The following PLCB1 variants were observed in gnomAD, a reference collection of about 807,000 sequenced individuals.
PLCB1 encodes the protein phospholipase C beta 1.
In PLCB1, 46 loss-of-function variants were observed where a neutral mutation model predicts 161.8. The observed-to-expected ratio is 0.28, with a 90% CI of 0.22 to 0.36. The LOEUF (loss-of-function observed/expected upper bound fraction) is 0.36. Ranked by LOEUF, PLCB1 falls within the 10% of genes least tolerant of loss-of-function variation. The pLI is 1.00. For missense variants in PLCB1, 1,016 were observed against 1,472.5 expected (o/e 0.69, Z 5.07); for synonymous variants, 517 against 503.7 (o/e 1.03, Z -0.35).
At chr20:8,684,879 T>A in intron 9 of PLCB1, 53 bp from the exon 10 acceptor site, 1 of 1,438,756 alleles carries the variant, frequency 7.0e-7, no homozygotes, top group Non-Finnish European at 9.5e-7. Flanking sequence ...AAGAGGCGAC[T>A]TGACACCCAT....
At chr20:8,755,602 G>A (rs1348779419) in intron 23 of PLCB1, among the ~76,000 whole-genome samples, 1 of 152,122 alleles carries the variant, frequency 6.6e-6, no homozygotes, top group Non-Finnish European at 1.5e-5. Flanking sequence ...TAAGGTATGT[G>A]GAATTAGCTG....
chr20:8,836,645 A>G (rs1986295889), intron 31 of PLCB1, among the ~76,000 whole-genome samples: 2 of 135,232 alleles, frequency 1.5e-5, no homozygotes, highest in African/African-American at 5.0e-5. Context: ...TACTCTGTCA[A>G]TAGAGATATA....
intron 2 of PLCB1, among the ~76,000 whole-genome samples, chr20:8,298,970 G>C (rs1042212268): frequency 6.6e-6 from 1 of 151,756 alleles, no homozygotes; most frequent in South Asian, 2.1e-4. Context: ...TGGTGCAAAA[G>C]TAATTGCAAT....
intron 3 of PLCB1, among the ~76,000 whole-genome samples, chr20:8,514,830 A>G (rs1354161063): frequency 6.6e-6 from 1 of 152,196 alleles, no homozygotes; most frequent in Non-Finnish European, 1.5e-5. Flanking sequence ...CCAAGTGAAT[A>G]TCTAAGACCA....
intron 10 of PLCB1, among the ~76,000 whole-genome samples, chr20:8,693,838 C>G (rs4453754): frequency 0.9 from 136,383 of 152,224 alleles, 61,171 homozygotes; most frequent in East Asian, 0.99. Context: ...AATGAATGCA[C>G]TCAAGTGAGA....
intron 9 of PLCB1, among the ~76,000 whole-genome samples, chr20:8,676,298 T>C (rs1990072538): frequency 6.6e-6 from 1 of 151,852 alleles, no homozygotes; most frequent in Non-Finnish European, 1.5e-5. Context: ...GAGGCAGAGG[T>C]TGCAGTGAGG....
At chr20:8,767,936 C>T (rs1319734744) in intron 26 of PLCB1, among the ~76,000 whole-genome samples, 1 of 152,142 alleles carries the variant, frequency 6.6e-6, no homozygotes, top group Non-Finnish European at 1.5e-5. Context: ...GTAATCCCAG[C>T]ACTTTGGGAG....
intron 3 of PLCB1, among the ~76,000 whole-genome samples, chr20:8,590,149 T>C (rs934283759): frequency 6.6e-6 from 1 of 152,096 alleles, no homozygotes; most frequent in Non-Finnish European, 1.5e-5. Flanking sequence ...CACGGAACTT[T>C]GAAAGGGCCT....
intron 2 of PLCB1, among the ~76,000 whole-genome samples, chr20:8,362,512 C>T (rs1215109899): frequency 3.3e-5 from 5 of 152,236 alleles, no homozygotes; most frequent in South Asian, 4.1e-4. Flanking sequence ...TTAATAAAGC[C>T]GTGGTGCTAT....
At chr20:8,404,566 T>C (rs1342547504) in intron 3 of PLCB1, among the ~76,000 whole-genome samples, 1 of 152,226 alleles carries the variant, frequency 6.6e-6, no homozygotes, top group Admixed American at 6.5e-5. Flanking sequence ...GGAAAACTAA[T>C]ATTTCAAAGG....
intron 3 of PLCB1, among the ~76,000 whole-genome samples, chr20:8,496,259 G>T (rs6055865): frequency 6.6e-6 from 1 of 151,380 alleles, no homozygotes; most frequent in Non-Finnish European, 1.5e-5. Flanking sequence ...TCGGGAGGCC[G>T]AGGTGGGTGG....
At chr20:8,374,569 T>C (rs1987013679) in intron 3 of PLCB1, among the ~76,000 whole-genome samples, 1 of 152,162 alleles carries the variant, frequency 6.6e-6, no homozygotes, top group East Asian at 1.9e-4. Context: ...TAGCTGCCTA[T>C]CAGAGAATTG....
At chr20:8,347,451 G>A (rs1600332796) in intron 2 of PLCB1, among the ~76,000 whole-genome samples, 1 of 152,120 alleles carries the variant, frequency 6.6e-6, no homozygotes. Context: ...GGCAGAAAAG[G>A]GAAAGAACAG....
intron 3 of PLCB1, among the ~76,000 whole-genome samples, chr20:8,392,756 T>A (rs977975806): frequency 6.6e-5 from 10 of 152,200 alleles, no homozygotes; most frequent in African/African-American, 2.2e-4. Context: ...TTGTGTTTTG[T>A]CTTCTTTGAA....
intron 23 of PLCB1, chr20:8,751,137 G>A (rs1464544381): frequency 4.2e-6 from 1 of 238,124 alleles, no homozygotes; most frequent in African/African-American, 2.4e-5. Flanking sequence ...GTAGAGACGG[G>A]ATTTCACCAT....
chr20:8,526,246 T>C (rs1984581815), intron 3 of PLCB1, among the ~76,000 whole-genome samples: 1 of 152,182 alleles, frequency 6.6e-6, no homozygotes, highest in Admixed American at 6.6e-5. Flanking sequence ...TTCATTTCTA[T>C]AAATGAAGCT....
At chr20:8,296,967 T>A (rs1210580404) in intron 2 of PLCB1, among the ~76,000 whole-genome samples, 2 of 152,136 alleles carry the variant, frequency 1.3e-5, no homozygotes, top group Non-Finnish European at 2.9e-5. Flanking sequence ...CGCAGCCTTT[T>A]CTATCTCAGT....
At chr20:8,150,877 T>C (rs1353769076) in intron 2 of PLCB1, among the ~76,000 whole-genome samples, 1 of 152,194 alleles carries the variant, frequency 6.6e-6, no homozygotes, top group Non-Finnish European at 1.5e-5. Context: ...CTTTAGCCTA[T>C]TCCTTCAGTT....
chr20:8,718,647 G>A (rs1014072704), intron 14 of PLCB1, among the ~76,000 whole-genome samples: 8 of 152,162 alleles, frequency 5.3e-5, no homozygotes, highest in African/African-American at 1.2e-4. Context: ...AGATAATCCA[G>A]GATAATTGCT....
Sources: allele counts gnomAD v4.1 joint callset (sites outside exome capture counted in the v4.1 genomes callset), GRCh38; gene constraint gnomAD v4.1.1; transcripts MANE v1.5; gene names NCBI Gene and HGNC (gene_info 2026-07-23, HGNC 2026-07-21).